ATP8A1: variants seen among roughly 807,000 people sequenced by gnomAD.
ATP8A1 encodes the protein phospholipid-transporting ATPase IA.
In ATP8A1, 90 loss-of-function variants were observed where a neutral mutation model predicts 177.7. The ratio of observed to expected loss-of-function variants is 0.51; its 90% CI spans 0.43 to 0.60. ATP8A1 has a LOEUF of 0.60. Ranked by LOEUF, ATP8A1 falls within the 20% of genes least tolerant of loss-of-function variation. The pLI is 0.00. For missense variants in ATP8A1, 1,072 were observed against 1,392.8 expected (o/e 0.77, Z 3.67); for synonymous variants, 493 against 485.9 (o/e 1.01, Z -0.19).
chr4:42,482,207 C>T (rs1383320869), intron 25 of ATP8A1, among the ~76,000 whole-genome samples: 2 of 151,526 alleles, frequency 1.3e-5, no homozygotes, highest in Non-Finnish European at 2.9e-5. Flanking sequence ...GGAGCTGAGG[C>T]ACAAGAATCG....
At chr4:42,524,063 G>C (rs1348906690) in intron 21 of ATP8A1, among the ~76,000 whole-genome samples, 1 of 152,106 alleles carries the variant, frequency 6.6e-6, no homozygotes, top group Non-Finnish European at 1.5e-5. Flanking sequence ...TGTTAAGTAC[G>C]AGATAAGACT....
At chr4:42,420,770 CT>C (rs34285804) in intron 35 of ATP8A1, among the ~76,000 whole-genome samples, 63,429 of 120,454 alleles carry the variant, frequency 0.53, 12,654 homozygotes, top group East Asian at 0.68. Flanking sequence ...AGCTAGAACT[CT>C]TTTTTTTTTT....
At chr4:42,556,280 AT>A in intron 15 of ATP8A1, 1 of 322,850 alleles carries the variant, frequency 3.1e-6, no homozygotes, top group East Asian at 4.9e-5. Context: ...TTTACAGTTC[AT>A]TTTTTCTGGA....
chr4:42,609,043 C>A (rs1042457736), intron 5 of ATP8A1, among the ~76,000 whole-genome samples: 18 of 152,130 alleles, frequency 1.2e-4, no homozygotes, highest in Non-Finnish European at 2.4e-4. Context: ...TGTCCACTGA[C>A]ACAAAAGACA....
At position 42,446,986 on chromosome 4, in the gene ATP8A1, G is replaced by A. The variant is rs149933190; in HGVS notation, c.2897-342C>T. Among the ~76,000 whole-genome samples the A allele has an allele frequency of 2.0e-3, 312 of 152,242 alleles. 2 individuals are homozygous for A. Among genetic ancestry groups the A allele is most frequent in the African/African-American group, 7.1e-3 (294 of 41,554 alleles). ...AACTCTGTTAACAATATGGATGAGA[G>A]TCATAGGGAATCTTCTCACTATCTC... On this transcript the variant is annotated intron_variant, in intron 30 of 36. Coordinates refer to ENST00000381668, the MANE Select transcript of ATP8A1 (RefSeq NM_006095.2).
At chr4:42,437,607 C>G (rs1046558021) in intron 33 of ATP8A1, among the ~76,000 whole-genome samples, 1 of 152,160 alleles carries the variant, frequency 6.6e-6, no homozygotes, top group African/African-American at 2.4e-5. Flanking sequence ...CCCTAACCCC[C>G]GATATCGTAA....
Position 42,551,229 on chromosome 4 carries a change from C to T in ATP8A1, c.1571G>A (p.Gly524Glu). Reference protein sequence around the residue: ...AAKQLNFVFTGRTPDSVIIDS... With the variant: ...AAKQLNFVFTERTPDSVIIDS... ...TATAATCACCGAGTCGGGTGTTCTT[C>T]CAGTGAAAACAAAATTCAATTGCTT... The change falls in exon 18 of 37, where the codon GGA becomes GAA. Residue 524 changes from glycine (G) to glutamate (E), a missense_variant. Around this residue, in one of 5 missense-constraint regions of ATP8A1, gnomAD observed 388 missense variants for 471.7 expected, o/e 0.82. Transcript: ENST00000381668. 6.2e-7 allele frequency: 1 copy of T among 1,613,798 alleles called. No individual in the cohort carries two copies. Among genetic ancestry groups the T allele is most frequent in the Non-Finnish European group, 8.5e-7 (1 of 1,179,854 alleles).
chr4:42,415,567 T>C (rs930086027), intron 35 of ATP8A1, among the ~76,000 whole-genome samples: 1 of 152,122 alleles, frequency 6.6e-6, no homozygotes, highest in Non-Finnish European at 1.5e-5. Context: ...TTCCAAATCA[T>C]GCCATTTCTT....
chr4:42,516,374 T>G (rs1321454963), intron 22 of ATP8A1, among the ~76,000 whole-genome samples: 1 of 151,986 alleles, frequency 6.6e-6, no homozygotes, highest in African/African-American at 2.4e-5. Flanking sequence ...CTTGAACAGA[T>G]AAAAGCATTG....
chr4:42,435,451 AAAAAAAAAAAAAC>A, intron 33 of ATP8A1, among the ~76,000 whole-genome samples: 9 of 34,054 alleles, frequency 2.6e-4, no homozygotes, highest in African/African-American at 1.1e-3. Flanking sequence ...AAAAAAAAAC[AAAAAAAAAAAAAC>A]AAACTATCTC....
intron 5 of ATP8A1, among the ~76,000 whole-genome samples, chr4:42,612,921 G>C (rs1386333547): frequency 6.6e-6 from 1 of 152,122 alleles, no homozygotes; most frequent in Non-Finnish European, 1.5e-5. Context: ...GTTAACATTT[G>C]ATTGAGAAAA....
rs1362510462 is a variant in ATP8A1, at chr4:42,443,559, C to A, written c.3123+6G>T. On this transcript the variant is annotated splice_donor_region_variant and intron_variant, in intron 33 of 36. Coordinates refer to ENST00000381668, the MANE Select transcript of ATP8A1 (RefSeq NM_006095.2). ...TGTTGGATTGTGAGTTATTAGCGCA[C>A]ATTACCTCTCCTGACATATCAGGGG... The A allele has an allele frequency of 9.1e-7, 1 of 1,099,620 alleles. No individual in the cohort carries two copies. Among genetic ancestry groups the A allele is most frequent in the African/African-American group, 1.5e-5 (1 of 65,212 alleles). The allele number at this position is 1,099,620 out of a possible 1,614,324, so 68.1% of individuals were successfully genotyped here.
At chr4:42,643,982 C>T (rs964326172) in intron 1 of ATP8A1, among the ~76,000 whole-genome samples, 12 of 152,156 alleles carry the variant, frequency 7.9e-5, no homozygotes, top group African/African-American at 2.9e-4. Flanking sequence ...AACAAAAAAG[C>T]CCTACTTGCA....
At chr4:42,510,228 G>A (rs1203104995) in intron 22 of ATP8A1, among the ~76,000 whole-genome samples, 1 of 152,050 alleles carries the variant, frequency 6.6e-6, no homozygotes, top group Admixed American at 6.6e-5. Context: ...AATACAGGAA[G>A]GTAAATTTCT....
chr4:42,572,399 G>T (rs1443160702), intron 14 of ATP8A1, among the ~76,000 whole-genome samples: 1 of 152,182 alleles, frequency 6.6e-6, no homozygotes, highest in African/African-American at 2.4e-5. Context: ...TAACCATGGA[G>T]ACTGGCTGTA....
At chr4:42,429,380 T>TG (rs1246385377) in intron 33 of ATP8A1, among the ~76,000 whole-genome samples, 1 of 145,204 alleles carries the variant, frequency 6.9e-6, no homozygotes, top group Non-Finnish European at 1.6e-5. Flanking sequence ...GAAATAAAAG[T>TG]GTTTTGTTTT....
chr4:42,488,514 C>T (rs1560381360), intron 24 of ATP8A1, among the ~76,000 whole-genome samples: 1 of 152,174 alleles, frequency 6.6e-6, no homozygotes, highest in Non-Finnish European at 1.5e-5. Flanking sequence ...TGTCTCTCAT[C>T]TTGTCTTTAC....
intron 22 of ATP8A1, among the ~76,000 whole-genome samples, chr4:42,518,291 A>G (rs12500170): frequency 0.13 from 20,272 of 152,266 alleles, 1,697 homozygotes; most frequent in East Asian, 0.25. Flanking sequence ...ATATAATACT[A>G]CCATTAATGT....
chr4:42,430,675 C>A (rs6847261), intron 33 of ATP8A1, among the ~76,000 whole-genome samples: 1 of 151,828 alleles, frequency 6.6e-6, no homozygotes, highest in African/African-American at 2.4e-5. Context: ...CTCCCCTCTA[C>A]GTGTCCATGT....
Sources: allele counts gnomAD v4.1 joint callset (sites outside exome capture counted in the v4.1 genomes callset), GRCh38; gene constraint gnomAD v4.1.1; regional missense constraint gnomAD v4.1.1; transcripts MANE v1.5; gene names NCBI Gene and HGNC (gene_info 2026-07-23, HGNC 2026-07-21).